CAPS2: variants seen among roughly 807,000 people sequenced by gnomAD.
The protein encoded by CAPS2 is calcyphosin-2.
CAPS2 carries 98 observed loss-of-function variants against 86.5 expected under a neutral mutation model. That is an observed-to-expected ratio of 1.13 (90% CI 0.96 to 1.34). The LOEUF (loss-of-function observed/expected upper bound fraction) is 1.34. Among genes scored for constraint, CAPS2 ranks in the 40% most tolerant of loss-of-function variants. The probability of loss-of-function intolerance (pLI) is 0.00; values close to 1 mark genes in which losing one functional copy is unlikely to be tolerated. For synonymous variants in CAPS2, 210 were observed against 225.1 expected, an observed-to-expected ratio of 0.93 and a Z score of 0.60; for missense variants, 729 against 686.8, an observed-to-expected ratio of 1.06 and a Z score of -0.69.
intron 1 of CAPS2, chr12:75,343,657 A>C (rs1049702904): frequency 6.8e-7 from 1 of 1,481,134 alleles, no homozygotes; most frequent in African/African-American, 1.4e-5. Context: ...GCAAATACTT[A>C]TGCACAATTC....
At chr12:75,327,323 AAG>A (rs1428191802), upstream of CAPS2, among the ~76,000 whole-genome samples, 1 of 152,194 alleles carries the variant, frequency 6.6e-6, no homozygotes, top group Admixed American at 6.6e-5. Flanking sequence ...ATCTAGAACA[AAG>A]AATAAAATGG....
chr12:75,287,823 G>A (rs369461139), intron 14 of CAPS2, among the ~76,000 whole-genome samples: 18 of 152,168 alleles, frequency 1.2e-4, no homozygotes, highest in Admixed American at 1.0e-3. Context: ...CCCCCAACTC[G>A]AAATTAGTTG....
At chr12:75,276,319 A>G, downstream of CAPS2, 1 of 1,498,440 alleles carries the variant, frequency 6.7e-7, no homozygotes, top group Non-Finnish European at 8.9e-7. Flanking sequence ...ATCTCATAAA[A>G]GCATGTTACA....
chr12:75,351,360 G>T (rs1449835157), intron 1 of CAPS2, among the ~76,000 whole-genome samples: 1 of 152,084 alleles, frequency 6.6e-6, no homozygotes, highest in Non-Finnish European at 1.5e-5. Context: ...TCCATGAGAA[G>T]ATCAACCCCA....
At chr12:75,282,653 C>T (rs1426129973) in intron 15 of CAPS2, among the ~76,000 whole-genome samples, 1 of 152,172 alleles carries the variant, frequency 6.6e-6, no homozygotes, top group Non-Finnish European at 1.5e-5. Flanking sequence ...TCCCAAAGTA[C>T]TGGGATTATA....
At chr12:75,282,391 T>G (rs1383841443) in intron 15 of CAPS2, 44 bp from the exon 16 acceptor site, 2 of 1,313,222 alleles carry the variant, frequency 1.5e-6, no homozygotes, top group Admixed American at 1.7e-5. Flanking sequence ...TGGTTGGTTG[T>G]TTTGCTTTGC....
Position 75,346,271 on chromosome 12 carries a change from C to T in CAPS2, c.-394-23049G>A, listed in dbSNP as rs910320322. On this transcript the variant is annotated intron_variant, in intron 1 of 5. Coordinates refer to the CAPS2 transcript ENST00000551829. ...TGTATTTTTGGTTAATTGTTTAAAA[C>T]ATTCAAAAGGAAAAATGCTCTTTTA... Among the ~76,000 whole-genome samples, 3 of 152,244 alleles carry T rather than the reference C, an allele frequency of 2.0e-5. No homozygotes were observed. In the South Asian group the frequency reaches 6.2e-4, roughly 32 times the overall value.
At chr12:75,304,566 G>C (rs1231258272) in intron 8 of CAPS2, among the ~76,000 whole-genome samples, 191 bp downstream of exon 8, 3 of 152,070 alleles carry the variant, frequency 2.0e-5, no homozygotes, top group African/African-American at 7.2e-5. Flanking sequence ...AGGGCAAAGA[G>C]AGTAAAATAA....
At chr12:75,290,938 A>C (rs1017635602) in intron 13 of CAPS2, among the ~76,000 whole-genome samples, 5 of 151,436 alleles carry the variant, frequency 3.3e-5, no homozygotes, top group South Asian at 2.1e-4. Context: ...AAAAAAACAA[A>C]AAAAAAACAT....
At chr12:75,366,679 T>C (rs2139658618) in intron 1 of CAPS2, among the ~76,000 whole-genome samples, 1 of 151,780 alleles carries the variant, frequency 6.6e-6, no homozygotes, top group South Asian at 2.1e-4. Context: ...AATGGAGCTG[T>C]GGCCTAGGGT....
chr12:75,381,217 G>A lies in CAPS2; in HGVS notation c.-395+9621C>T, dbSNP rs2044951174. Among the ~76,000 whole-genome samples, 3 of 152,196 alleles carry A rather than the reference G, an allele frequency of 2.0e-5. No individual in the cohort carries two copies. The South Asian group carries it at 6.2e-4, about 31-fold the overall frequency. ...TCTGATGGGTTTATCAAGGGTTTCTGCTTTTGCTTCTTCCTCATTCTCTCT... is the reference window on the plus strand; with the variant it reads ...TCTGATGGGTTTATCAAGGGTTTCTACTTTTGCTTCTTCCTCATTCTCTCT... On this transcript the variant is annotated intron_variant, in intron 1 of 5. Coordinates refer to the CAPS2 transcript ENST00000551829.
intron 11 of CAPS2, among the ~76,000 whole-genome samples, chr12:75,293,751 C>T (rs1238147298): frequency 6.6e-6 from 1 of 152,156 alleles, no homozygotes; most frequent in Non-Finnish European, 1.5e-5. Flanking sequence ...TACTCTTTCA[C>T]AGCTGAACTT....
intron 9 of CAPS2, among the ~76,000 whole-genome samples, 183 bp from the exon 10 acceptor site, chr12:75,299,149 T>C (rs561239750): frequency 6.6e-6 from 1 of 152,344 alleles, no homozygotes; most frequent in African/African-American, 2.4e-5. Flanking sequence ...CACTAAAAGT[T>C]AGATTTGAAT....
At chr12:75,289,823 T>C (rs1437708145) in intron 13 of CAPS2, 48 bp from the exon 14 acceptor site, 2 of 1,357,396 alleles carry the variant, frequency 1.5e-6, no homozygotes, top group Non-Finnish European at 2.0e-6. Flanking sequence ...TATGCATAAA[T>C]GTATAAAGCC....
intron 11 of CAPS2, among the ~76,000 whole-genome samples, chr12:75,297,813 T>C (rs1427192877): frequency 6.6e-6 from 1 of 152,192 alleles, no homozygotes; most frequent in Non-Finnish European, 1.5e-5. Flanking sequence ...ACAAGCTGTC[T>C]TCTCCACCTG....
intron 1 of CAPS2, among the ~76,000 whole-genome samples, chr12:75,388,449 T>C (rs900333786): frequency 6.6e-6 from 1 of 152,160 alleles, no homozygotes; most frequent in African/African-American, 2.4e-5. Context: ...TGAAAAATTA[T>C]TCAGTGCTAA....
At chr12:75,389,438 G>C (rs2045461018) in intron 1 of CAPS2, among the ~76,000 whole-genome samples, 1 of 152,208 alleles carries the variant, frequency 6.6e-6, no homozygotes, top group African/African-American at 2.4e-5. Context: ...TCACCTGTCA[G>C]TGATGTTCCG....
At chr12:75,280,601 T>C (rs1296952188) in intron 16 of CAPS2, among the ~76,000 whole-genome samples, 8 of 152,042 alleles carry the variant, frequency 5.3e-5, no homozygotes, top group Middle Eastern at 3.4e-3. Context: ...TTCGTTCTTA[T>C]ATTTAGTATG....
intron 5 of CAPS2, among the ~76,000 whole-genome samples, chr12:75,317,766 CAAAT>C (rs1032967352): frequency 6.6e-6 from 1 of 152,018 alleles, no homozygotes; most frequent in African/African-American, 2.4e-5. Context: ...TTATCACAAT[CAAAT>C]TAATTAATAC....
Sources: gnomAD v4.1 joint callset for allele counts (sites outside exome capture counted in the v4.1 genomes callset) on GRCh38, gnomAD v4.1.1 for gene constraint, MANE v1.5 for transcripts, NCBI Gene and HGNC (gene_info 2026-07-23, HGNC 2026-07-21) for gene names.